Variants in PARD3 observed in about 807,000 individuals in gnomAD.
The protein encoded by PARD3 is par-3 family cell polarity regulator, also known as partitioning defective 3 homolog.
A neutral mutation model predicts 155.4 loss-of-function variants in PARD3; 75 were observed. That is an observed-to-expected ratio of 0.48 (90% confidence interval 0.40 to 0.58). PARD3 has a LOEUF of 0.58. Among genes scored for constraint, PARD3 ranks in the 20% least tolerant of loss-of-function variants. PARD3 has a pLI of 0.00. For missense variants in PARD3, 1,642 were observed against 1,721.7 expected (o/e 0.95, Z 0.82); for synonymous variants, 576 against 610.5 (o/e 0.94, Z 0.83).
intron 22 of PARD3, among the ~76,000 whole-genome samples, chr10:34,256,152 C>T (rs573448816): frequency 3.2e-4 from 48 of 152,232 alleles, no homozygotes; most frequent in Non-Finnish European, 5.6e-4. Context: ...AACATATTCG[C>T]TAATTATTCA....
At position 34,159,454 on chromosome 10, in the gene PARD3, A is replaced by G. The variant is rs372252506; in HGVS notation, c.3420-27871T>C. 1.1e-4 allele frequency among the ~76,000 whole-genome samples: 16 copies of G among 152,352 alleles called. No homozygotes were observed. In the East Asian group the frequency reaches 2.1e-3, roughly 20 times the overall value. On this transcript the variant is annotated intron_variant, in intron 22 of 24. Transcript: ENST00000374788. ...CTACCCATTAAATCACATAGGTAGA[A>G]AGAAGGCCAAGTTTATTCATTTTAC...
intron 22 of PARD3, among the ~76,000 whole-genome samples, chr10:34,152,698 C>A (rs932465827): frequency 1.3e-5 from 2 of 152,094 alleles, no homozygotes; most frequent in African/African-American, 2.4e-5. Flanking sequence ...AATCATTTCC[C>A]AGATAATTGA....
intron 20 of PARD3, among the ~76,000 whole-genome samples, chr10:34,290,146 G>A (rs910178857): frequency 5.9e-5 from 9 of 151,836 alleles, no homozygotes; most frequent in South Asian, 2.1e-4. Flanking sequence ...AAAATTACAC[G>A]GAATAATAAT....
intron 13 of PARD3, 43 bp downstream of exon 13, chr10:34,360,028 A>C (rs1380601836): frequency 6.7e-7 from 1 of 1,486,066 alleles, no homozygotes; most frequent in Non-Finnish European, 9.3e-7. Flanking sequence ...TTGAAATTAA[A>C]ATTTTTGTTA....
chr10:34,343,995 CTA>C, intron 15 of PARD3: 1 of 982,110 alleles, frequency 1.0e-6, no homozygotes, highest in Non-Finnish European at 1.2e-6. Flanking sequence ...TTTCATTTTT[CTA>C]TGTCAAATTG....
intron 2 of PARD3, among the ~76,000 whole-genome samples, chr10:34,675,336 T>G (rs149139743): frequency 4.8e-4 from 73 of 152,336 alleles, no homozygotes; most frequent in African/African-American, 1.7e-3. Flanking sequence ...TAGAAGTCAG[T>G]ATACAGATTC....
chr10:34,665,178 T>C (rs2133187522), intron 2 of PARD3, among the ~76,000 whole-genome samples: 1 of 152,258 alleles, frequency 6.6e-6, no homozygotes, highest in Non-Finnish European at 1.5e-5. Flanking sequence ...ACGTGTTTAT[T>C]AAAATAGTAA....
At chr10:34,233,824 C>T (rs1354879350) in intron 22 of PARD3, among the ~76,000 whole-genome samples, 2 of 152,100 alleles carry the variant, frequency 1.3e-5, no homozygotes, top group African/African-American at 2.4e-5. Flanking sequence ...ACAGGCTTCC[C>T]TGCCTCAAGG....
At chr10:34,800,503 C>T (rs1255135889) in intron 1 of PARD3, among the ~76,000 whole-genome samples, 6 of 151,828 alleles carry the variant, frequency 4.0e-5, no homozygotes, top group Non-Finnish European at 8.8e-5. Flanking sequence ...CCCAGCTACT[C>T]GGGAGGCTGA....
chr10:34,117,752 G>A (rs1433589606), intron 24 of PARD3, among the ~76,000 whole-genome samples: 1 of 152,160 alleles, frequency 6.6e-6, no homozygotes, highest in Non-Finnish European at 1.5e-5. Context: ...CTCTACTAAA[G>A]ATACAAAAAT....
At chr10:34,290,421 T>C (rs1956621924) in intron 20 of PARD3, among the ~76,000 whole-genome samples, 1 of 152,208 alleles carries the variant, frequency 6.6e-6, no homozygotes, top group Admixed American at 6.5e-5. Flanking sequence ...ACCTAGGTCT[T>C]CATGTCTAAG....
At chr10:34,123,023 G>A (rs920894621) in intron 23 of PARD3, among the ~76,000 whole-genome samples, 13 of 152,192 alleles carry the variant, frequency 8.5e-5, no homozygotes, top group East Asian at 3.9e-4. Context: ...AAATACCTGC[G>A]CAGGCATAAC....
intron 1 of PARD3, 61 bp downstream of exon 1, chr10:34,814,815 T>C: frequency 1.6e-6 from 2 of 1,281,850 alleles, no homozygotes; most frequent in Admixed American, 2.2e-5. Flanking sequence ...GGAAGCGCCA[T>C]ATTGATCCCG....
At chr10:34,590,342 A>G (rs7073305) in intron 2 of PARD3, among the ~76,000 whole-genome samples, 4,372 of 152,292 alleles carry the variant, frequency 0.029, 210 homozygotes, top group African/African-American at 0.099. Flanking sequence ...GCTTTTCAGA[A>G]TATATGAGGA....
intron 1 of PARD3, among the ~76,000 whole-genome samples, chr10:34,729,908 C>A (rs2094787301): frequency 6.6e-6 from 1 of 152,060 alleles, no homozygotes; most frequent in Non-Finnish European, 1.5e-5. Flanking sequence ...AAGGAAAGAT[C>A]CTTCCTTCCG....
At chr10:34,645,585 A>G (rs147792318) in intron 2 of PARD3, among the ~76,000 whole-genome samples, 1 of 152,262 alleles carries the variant, frequency 6.6e-6, no homozygotes, top group African/African-American at 2.4e-5. Flanking sequence ...TATTTACCAA[A>G]TTTTCCAAAA....
At chr10:34,721,851 A>C (rs1039902020) in intron 1 of PARD3, among the ~76,000 whole-genome samples, 1 of 152,208 alleles carries the variant, frequency 6.6e-6, no homozygotes, top group Admixed American at 6.5e-5. Context: ...TATAACATAC[A>C]AACTCTAACA....
intron 2 of PARD3, among the ~76,000 whole-genome samples, chr10:34,540,191 G>C (rs1589936894): frequency 6.6e-6 from 1 of 152,232 alleles, no homozygotes; most frequent in East Asian, 1.9e-4. Context: ...TCAAACAACA[G>C]CACGCATTAG....
chr10:34,750,651 T>C (rs1408855139), intron 1 of PARD3, among the ~76,000 whole-genome samples: 1 of 152,122 alleles, frequency 6.6e-6, no homozygotes, highest in Non-Finnish European at 1.5e-5. Flanking sequence ...TTAATGCATT[T>C]TTAATGTTAA....
Sources: gnomAD v4.1 joint callset for allele counts (sites outside exome capture counted in the v4.1 genomes callset) on GRCh38, gnomAD v4.1.1 for gene constraint, MANE v1.5 for transcripts, NCBI Gene and HGNC (gene_info 2026-07-23, HGNC 2026-07-21) for gene names.